GPR158: variants seen among roughly 807,000 people sequenced by gnomAD.
GPR158 encodes the protein G protein-coupled receptor 158.
GPR158 carries 30 observed loss-of-function variants against 78.2 expected under a neutral mutation model. The observed-to-expected ratio is 0.38, with a 90% CI of 0.29 to 0.52. The LOEUF (loss-of-function observed/expected upper bound fraction) is 0.52. Ranked by LOEUF, GPR158 falls within the 20% of genes least tolerant of loss-of-function variation. The probability of loss-of-function intolerance (pLI) is 0.83; values close to 1 mark genes in which losing one functional copy is unlikely to be tolerated. For synonymous variants in GPR158, 581 were observed against 591.1 expected (o/e 0.98, Z 0.25); for missense variants, 1,463 against 1,523.5 (o/e 0.96, Z 0.66).
intron 7 of GPR158, among the ~76,000 whole-genome samples, chr10:25,588,264 A>G (rs1837296454): frequency 6.6e-6 from 1 of 152,204 alleles, no homozygotes; most frequent in Non-Finnish European, 1.5e-5. Context: ...GGTTAAGTAA[A>G]TTGCCTAAGA....
intron 4 of GPR158, among the ~76,000 whole-genome samples, chr10:25,452,399 T>C (rs1484694785): frequency 6.6e-6 from 1 of 152,158 alleles, no homozygotes; most frequent in African/African-American, 2.4e-5. Flanking sequence ...TTTTATAGTC[T>C]TAAAAATGTA....
intron 5 of GPR158, among the ~76,000 whole-genome samples, chr10:25,496,054 C>T (rs1835876965): frequency 6.6e-6 from 1 of 152,038 alleles, no homozygotes; most frequent in Admixed American, 6.5e-5. Flanking sequence ...CCAAATGTGT[C>T]CTGGGGTTAG....
At chr10:25,398,423 G>A (rs1015472888) in intron 3 of GPR158, among the ~76,000 whole-genome samples, 1 of 152,144 alleles carries the variant, frequency 6.6e-6, no homozygotes, top group Non-Finnish European at 1.5e-5. Context: ...ATTCAACACT[G>A]AAAGATTAAG....
At chr10:25,236,142 C>T (rs1853521885) in intron 2 of GPR158, among the ~76,000 whole-genome samples, 1 of 152,106 alleles carries the variant, frequency 6.6e-6, no homozygotes, top group African/African-American at 2.4e-5. Context: ...TGTCATTCAC[C>T]ACTGTCTCAA....
intron 4 of GPR158, among the ~76,000 whole-genome samples, chr10:25,448,297 A>G (rs966149877): frequency 2.2e-4 from 34 of 151,676 alleles, no homozygotes; most frequent in Middle Eastern, 3.4e-3. Context: ...TCACCGTGTT[A>G]GCCAGGATGG....
chr10:25,528,927 T>A (rs1171726066), intron 5 of GPR158, among the ~76,000 whole-genome samples: 1 of 152,176 alleles, frequency 6.6e-6, no homozygotes, highest in African/African-American at 2.4e-5. Context: ...AATAGATCAA[T>A]GGGACAAAAT....
chr10:25,490,118 T>C (rs1835785675), intron 5 of GPR158, among the ~76,000 whole-genome samples: 1 of 152,070 alleles, frequency 6.6e-6, no homozygotes, highest in Non-Finnish European at 1.5e-5. Context: ...CAAGAGCAGT[T>C]AAGGAAATGC....
intron 1 of GPR158, among the ~76,000 whole-genome samples, chr10:25,193,661 T>C (rs1467505328): frequency 1.3e-5 from 2 of 152,232 alleles, no homozygotes; most frequent in African/African-American, 4.8e-5. Flanking sequence ...CATTTTCATC[T>C]TTTCCCCCTT....
chr10:25,377,921 C>T (rs539852111), intron 2 of GPR158, among the ~76,000 whole-genome samples: 1 of 152,050 alleles, frequency 6.6e-6, no homozygotes, highest in Non-Finnish European at 1.5e-5. Context: ...CACATAGTAA[C>T]TCTGTGTTTA....
At chr10:25,188,338 C>G (rs1852718714) in intron 1 of GPR158, among the ~76,000 whole-genome samples, 1 of 152,146 alleles carries the variant, frequency 6.6e-6, no homozygotes, top group Non-Finnish European at 1.5e-5. Flanking sequence ...CAATCCTAAG[C>G]CAAAATAGCA....
Position 25,175,889 on chromosome 10 carries a change from T to C in GPR158, c.469T>C (p.Tyr157His), listed in dbSNP as rs1332241184. The change falls in exon 1 of 11, where the codon TAC (tyrosine) becomes CAC (histidine). Residue 157 changes from tyrosine to histidine, a missense_variant. By Grantham distance (83) the Tyr-to-His change is moderately conservative. Transcript: ENST00000376351. This position sits in a 1 kb window ranked among gnomAD's most constrained non-coding sequence, Gnocchi z 6.4. ...EQNLQDDLDW[Y>H]QALVWSLLEG... is the part of the protein sequence containing the mutation. Reference sequence around the variant, plus strand: ...GAACTTGCAGGACGACCTGGATTGGTACCAGGCGCTGGTGTGGAGCCTTCT... The same window carrying C: ...GAACTTGCAGGACGACCTGGATTGGCACCAGGCGCTGGTGTGGAGCCTTCT... The C allele has an allele frequency of 2.5e-6, 4 of 1,613,714 alleles. No homozygotes were observed. The highest frequency in any genetic ancestry group is 3.3e-5 in the Admixed American group (2 of 60,006).
chr10:25,301,749 G>A (rs917058855), intron 2 of GPR158, among the ~76,000 whole-genome samples: 1 of 152,094 alleles, frequency 6.6e-6, no homozygotes, highest in Non-Finnish European at 1.5e-5. Flanking sequence ...TTTGTCGAGG[G>A]ATAGTTTACG....
intron 2 of GPR158, among the ~76,000 whole-genome samples, chr10:25,264,599 A>G (rs1307359169): frequency 1.3e-5 from 2 of 152,212 alleles, no homozygotes; most frequent in East Asian, 3.8e-4. Flanking sequence ...ACTGTGAGAG[A>G]TAATAAGAAA....
chr10:25,357,648 G>A (rs144264229), intron 2 of GPR158, among the ~76,000 whole-genome samples: 81 of 152,234 alleles, frequency 5.3e-4, no homozygotes, highest in African/African-American at 1.9e-3. Flanking sequence ...CAAGAATTGA[G>A]GTTTGGGAAC....
At chr10:25,239,067 T>A (rs897332109) in intron 2 of GPR158, among the ~76,000 whole-genome samples, 1 of 151,802 alleles carries the variant, frequency 6.6e-6, no homozygotes, top group African/African-American at 2.4e-5. Context: ...TAGGAGTGAG[T>A]TGGGAGGGAG....
intron 4 of GPR158, among the ~76,000 whole-genome samples, chr10:25,417,538 A>G (rs1461473081): frequency 6.6e-6 from 1 of 152,176 alleles, no homozygotes; most frequent in African/African-American, 2.4e-5. Flanking sequence ...GAGGGCTGCA[A>G]ATCCTTCATA....
At chr10:25,246,127 A>C (rs941354787) in intron 2 of GPR158, among the ~76,000 whole-genome samples, 1 of 152,204 alleles carries the variant, frequency 6.6e-6, no homozygotes, top group Non-Finnish European at 1.5e-5. Flanking sequence ...CTAGACCCAT[A>C]TAAAGTTTTT....
intron 2 of GPR158, among the ~76,000 whole-genome samples, chr10:25,291,116 C>G (rs1854429850): frequency 6.6e-6 from 1 of 151,832 alleles, no homozygotes; most frequent in African/African-American, 2.4e-5. Flanking sequence ...GAATTGCCAT[C>G]TTTCCCCATC....
chr10:25,446,937 A>G (rs1240230073), intron 4 of GPR158, among the ~76,000 whole-genome samples: 1 of 152,186 alleles, frequency 6.6e-6, no homozygotes, highest in Non-Finnish European at 1.5e-5. Context: ...TAATACAGCA[A>G]ATGGAATTTT....
Sources: allele counts gnomAD v4.1 joint callset (sites outside exome capture counted in the v4.1 genomes callset), GRCh38; gene constraint gnomAD v4.1.1; non-coding constraint Gnocchi (gnomAD v3.1); transcripts MANE v1.5; gene names NCBI Gene and HGNC (gene_info 2026-07-23, HGNC 2026-07-21).